PARM1: variants seen among roughly 807,000 people sequenced by gnomAD.
PARM1 encodes WSC4, cell wall integrity and stress response component 4 homolog.
A neutral mutation model predicts 24.6 loss-of-function variants in PARM1; 14 were observed. The observed-to-expected ratio is 0.57, with a 90% CI of 0.38 to 0.89. PARM1 has a LOEUF of 0.89. PARM1 is among the 40% of genes least tolerant of loss of function. PARM1 has a pLI of 0.00. For missense variants in PARM1, 362 were observed against 380.4 expected, an observed-to-expected ratio of 0.95 and a Z score of 0.40; for synonymous variants, 179 against 156.6, an observed-to-expected ratio of 1.14 and a Z score of -1.07.
At chr4:74,993,552 A>G (rs914484643) in intron 1 of PARM1, among the ~76,000 whole-genome samples, 1 of 152,198 alleles carries the variant, frequency 6.6e-6, no homozygotes, top group Non-Finnish European at 1.5e-5. Context: ...TAACTGATAC[A>G]TCAGGAGAAG....
At chr4:74,970,733 G>A (rs1722014777) in intron 1 of PARM1, among the ~76,000 whole-genome samples, 1 of 152,130 alleles carries the variant, frequency 6.6e-6, no homozygotes, top group African/African-American at 2.4e-5. Flanking sequence ...TGTGTTCAGG[G>A]CAGCAATTTA....
chr4:75,037,456 T>C (rs1723395124), intron 3 of PARM1, among the ~76,000 whole-genome samples: 1 of 152,246 alleles, frequency 6.6e-6, no homozygotes, highest in Non-Finnish European at 1.5e-5. Flanking sequence ...TTCACCTTTC[T>C]TCCCAGATCC....
At chr4:75,019,437 A>G (rs750837032) in intron 2 of PARM1, among the ~76,000 whole-genome samples, 16 of 152,228 alleles carry the variant, frequency 1.1e-4, no homozygotes, top group Non-Finnish European at 2.2e-4. Context: ...TCACTATCCT[A>G]TTATTTTCAC....
At position 75,049,671 on chromosome 4, in the gene PARM1, C is replaced by T. The variant is rs1723678827; in HGVS notation, c.*3424C>T. On this transcript the variant is annotated 3_prime_UTR_variant, in exon 4 of 4. Transcript: ENST00000307428. ...GAGCACTAACAGCAGTAGACGTAGA[C>T]CTCTGTCCTTTACCATCTGAGGTCT... The T allele has an allele frequency of 6.6e-6, 1 of 152,640 alleles. No individual in the cohort carries two copies. The highest frequency in any genetic ancestry group is 2.4e-5 in the African/African-American group (1 of 41,446). 9.5% of individuals were successfully genotyped at this position (152,640 alleles called of 1,614,324 possible).
chr4:74,939,980 G>A (rs1721270979), intron 1 of PARM1, among the ~76,000 whole-genome samples: 1 of 152,144 alleles, frequency 6.6e-6, no homozygotes, highest in East Asian at 1.9e-4. Flanking sequence ...AAGGACCTGG[G>A]AACTTTAGTG....
intron 1 of PARM1, among the ~76,000 whole-genome samples, chr4:74,971,087 G>A (rs1031148019): frequency 3.9e-5 from 6 of 152,176 alleles, no homozygotes; most frequent in Admixed American, 2.0e-4. Context: ...CTAAGACACT[G>A]TATTAGTCTG....
rs546905707 is a variant in PARM1, at chr4:75,048,942, A to G, written c.*2695A>G. ...CAACTATATTCTACAAATGTTACTT[A>G]TAACACACACACACACATCTGAAAT... On this transcript the variant is annotated 3_prime_UTR_variant, in exon 4 of 4. Transcript: ENST00000307428. The G allele has an allele frequency of 7.2e-5, 11 of 152,768 alleles. No homozygotes were observed. In the East Asian group the frequency reaches 1.7e-3, roughly 24 times the overall value. 9.5% of individuals were successfully genotyped at this position (152,768 alleles called of 1,614,324 possible).
intron 1 of PARM1, among the ~76,000 whole-genome samples, chr4:74,962,156 A>G (rs2109989892): frequency 6.6e-6 from 1 of 152,334 alleles, no homozygotes; most frequent in East Asian, 1.9e-4. Flanking sequence ...ATCAATAACT[A>G]AAAAGAGGTG....
chr4:75,001,795 T>TC (rs1333968527), intron 1 of PARM1, among the ~76,000 whole-genome samples: 1 of 152,032 alleles, frequency 6.6e-6, no homozygotes, highest in Non-Finnish European at 1.5e-5. Context: ...TGGTTTCCTC[T>TC]CCCCCATCAG....
chr4:74,982,762 C>A (rs1436264899), intron 1 of PARM1, among the ~76,000 whole-genome samples: 2 of 152,212 alleles, frequency 1.3e-5, no homozygotes, highest in Non-Finnish European at 2.9e-5. Flanking sequence ...AGAAAACATT[C>A]TAAAGCAATC....
intron 1 of PARM1, among the ~76,000 whole-genome samples, chr4:74,953,905 C>T (rs1454070226): frequency 6.6e-6 from 1 of 152,112 alleles, no homozygotes; most frequent in Admixed American, 6.5e-5. Context: ...GTGAAGTGGC[C>T]TATCTCTCTC....
intron 3 of PARM1, among the ~76,000 whole-genome samples, chr4:75,043,090 T>A (rs1723532419): frequency 6.6e-6 from 1 of 152,170 alleles, no homozygotes; most frequent in Admixed American, 6.5e-5. Flanking sequence ...CCAGTAAACC[T>A]GATAGCCAGA....
chr4:75,008,780 A>ATGAG (rs1722816257), intron 1 of PARM1, among the ~76,000 whole-genome samples: 1 of 152,242 alleles, frequency 6.6e-6, no homozygotes, highest in African/African-American at 2.4e-5. Flanking sequence ...GAATGAATGA[A>ATGAG]TGAATTGGTT....
intron 1 of PARM1, among the ~76,000 whole-genome samples, chr4:74,998,516 A>C (rs1722617986): frequency 6.6e-6 from 1 of 152,204 alleles, no homozygotes; most frequent in Non-Finnish European, 1.5e-5. Flanking sequence ...ATTTAATTAA[A>C]ATTCATTACC....
chr4:74,939,524 T>A (rs961650391), intron 1 of PARM1, among the ~76,000 whole-genome samples: 1 of 152,128 alleles, frequency 6.6e-6, no homozygotes, highest in Admixed American at 6.5e-5. Context: ...TCTTTTTTTT[T>A]AAAAGAAAGT....
intron 2 of PARM1, among the ~76,000 whole-genome samples, chr4:75,022,422 T>G (rs750816657): frequency 3.3e-5 from 5 of 152,252 alleles, no homozygotes; most frequent in Non-Finnish European, 5.9e-5. Context: ...TTTGAAATGT[T>G]TCCAAAATAT....
intron 1 of PARM1, among the ~76,000 whole-genome samples, chr4:74,943,702 A>C (rs1018393590): frequency 6.6e-6 from 1 of 152,218 alleles, no homozygotes; most frequent in Non-Finnish European, 1.5e-5. Context: ...CTTTGAGCTC[A>C]GCTAGGGAAG....
chr4:75,044,681 T>C (rs1029444210), intron 3 of PARM1, among the ~76,000 whole-genome samples: 1 of 152,154 alleles, frequency 6.6e-6, no homozygotes, highest in African/African-American at 2.4e-5. Context: ...AAAACTTAAA[T>C]TGAATTGTGT....
intron 3 of PARM1, among the ~76,000 whole-genome samples, chr4:75,034,399 A>G (rs766430710): frequency 2.5e-4 from 38 of 152,228 alleles, no homozygotes; most frequent in Admixed American, 7.8e-4. Flanking sequence ...TCTGTTAATG[A>G]GGTTTTCATT....
Sources: gnomAD v4.1 joint callset for allele counts (sites outside exome capture counted in the v4.1 genomes callset) on GRCh38, gnomAD v4.1.1 for gene constraint, MANE v1.5 for transcripts, NCBI Gene and HGNC (gene_info 2026-07-23, HGNC 2026-07-21) for gene names.